Variants in ATAD2 observed in about 807,000 individuals in gnomAD.
ATAD2 encodes the protein ATPase family AAA domain-containing protein 2.
ATAD2 carries 62 observed loss-of-function variants against 168.9 expected under a neutral mutation model. The observed-to-expected ratio is 0.37, with a 90% confidence interval of 0.30 to 0.45. The LOEUF (loss-of-function observed/expected upper bound fraction) is 0.45. Ranked by LOEUF, ATAD2 falls within the 20% of genes least tolerant of loss-of-function variation. The probability of loss-of-function intolerance (pLI) is 1.00; values close to 1 mark genes in which losing one functional copy is unlikely to be tolerated. For synonymous variants in ATAD2, 613 were observed against 571.6 expected, an observed-to-expected ratio of 1.07 and a Z score of -1.03; for missense variants, 1,419 against 1,667.8, an observed-to-expected ratio of 0.85 and a Z score of 2.60.
At chr8:123,344,779 C>T (rs1204603516) in intron 19 of ATAD2, 105 bp downstream of exon 19, 2 of 1,262,298 alleles carry the variant, frequency 1.6e-6, no homozygotes, top group South Asian at 1.3e-5. Flanking sequence ...AAAACTTATC[C>T]TTTTATTCAC....
intron 1 of ATAD2, 136 bp downstream of exon 1, chr8:123,396,051 T>C (rs532349214): frequency 9.6e-7 from 1 of 1,039,728 alleles, no homozygotes; most frequent in East Asian, 2.9e-5. Flanking sequence ...TCCATTTTAC[T>C]CGTCCTCGAC....
chr8:123,395,248 C>T (rs192124415), intron 1 of ATAD2, among the ~76,000 whole-genome samples: 3 of 152,306 alleles, frequency 2.0e-5, no homozygotes, highest in Admixed American at 6.5e-5. Flanking sequence ...CGAGCTTCCC[C>T]GACTTCTTCA....
chr8:123,383,704 C>T (rs1393781062), intron 1 of ATAD2, among the ~76,000 whole-genome samples: 2 of 150,870 alleles, frequency 1.3e-5, no homozygotes, highest in Admixed American at 1.3e-4. Flanking sequence ...ACCCAGGAGG[C>T]GGAGGTTGCG....
At chr8:123,321,296 G>T in intron 27 of ATAD2, 121 bp from the exon 28 acceptor site, 1 of 853,952 alleles carries the variant, frequency 1.2e-6, no homozygotes, top group Non-Finnish European at 1.8e-6. Flanking sequence ...ATATTTGATA[G>T]TGAAAATAAA....
chr8:123,358,151 T>C (rs1385913410), intron 11 of ATAD2, among the ~76,000 whole-genome samples: 4 of 152,246 alleles, frequency 2.6e-5, no homozygotes. Context: ...CAACATTTCC[T>C]GTAAGAAGTA....
chr8:123,319,931 G>A lies in ATAD2; in HGVS notation c.*1203C>T, dbSNP rs1586849560. 1 of 152,080 alleles carries A rather than the reference G, an allele frequency of 6.6e-6. No individual in the cohort carries two copies. The highest frequency in any genetic ancestry group is 1.5e-5 in the Non-Finnish European group (1 of 68,014). The allele number at this position is 152,080 out of a possible 1,614,324, so 9.4% of individuals were successfully genotyped here. ...ATCCTAGTTATAAAAGATGCATCTA[G>A]AAGAATAATTTATAATAAACCAACA... On this transcript the variant is annotated 3_prime_UTR_variant, in exon 28 of 28. Transcript: ENST00000287394.
At chr8:123,343,088 G>C (rs1447300147) in intron 19 of ATAD2, among the ~76,000 whole-genome samples, 1 of 151,516 alleles carries the variant, frequency 6.6e-6, no homozygotes, top group Non-Finnish European at 1.5e-5. Context: ...GGGTTCAAGC[G>C]ATTCTCCCAC....
At chr8:123,400,623 C>T (rs553995425), upstream of ATAD2, 46 of 636,594 alleles carry the variant, frequency 7.2e-5, no homozygotes, top group East Asian at 4.2e-4. This position sits in a 1 kb window ranked among gnomAD's most constrained non-coding sequence, Gnocchi z 4.5. Flanking sequence ...TGCCCGAGGA[C>T]GGGCTCACCA....
chr8:123,379,896 T>A (rs998764641), intron 2 of ATAD2, among the ~76,000 whole-genome samples: 71 of 146,370 alleles, frequency 4.9e-4, no homozygotes, highest in African/African-American at 1.7e-3. Context: ...TATTATTTTT[T>A]TTTTTTTGAG....
At chr8:123,347,995 C>T (rs1828307536) in intron 15 of ATAD2, 188 bp downstream of exon 15, 2 of 639,412 alleles carry the variant, frequency 3.1e-6, no homozygotes, top group Admixed American at 5.5e-5. Flanking sequence ...AAGAAAATGC[C>T]ACAAATAAGA....
intron 1 of ATAD2, 45 bp downstream of exon 1, chr8:123,396,142 C>G: frequency 4.0e-6 from 6 of 1,502,746 alleles, no homozygotes; most frequent in Non-Finnish European, 3.5e-6. Context: ...TGCCGGCAGT[C>G]CCCCCGGGAA....
At chr8:123,401,438 C>T (rs549993762), upstream of ATAD2, 119 of 1,430,534 alleles carry the variant, frequency 8.3e-5, no homozygotes, top group African/African-American at 1.1e-3. Flanking sequence ...TGGTGTATTA[C>T]GTCAAACAGA....
chr8:123,337,895 G>A (rs1827961605), intron 20 of ATAD2, 74 bp from the exon 21 acceptor site: 1 of 1,397,706 alleles, frequency 7.2e-7, no homozygotes, highest in African/African-American at 1.5e-5. Context: ...AATGAAAACA[G>A]AGTCAGGATT....
Position 123,326,034 on chromosome 8 carries a change from G to A in ATAD2, c.3869-8C>T, listed in dbSNP as rs765587560. On this transcript the variant is annotated splice_region_variant and splice_polypyrimidine_tract_variant and intron_variant, in intron 25 of 27. Coordinates refer to ENST00000287394, the MANE Select transcript of ATAD2 (RefSeq NM_014109.4). ...TTCGCAGAACACACATTTCTAGAAT[G>A]AAAAATCAAATGATTATTATTTGGT... The A allele has an allele frequency of 2.5e-6, 4 of 1,611,904 alleles. No individual in the cohort carries two copies. In the South Asian group the frequency reaches 3.3e-5, roughly 13 times the overall value.
intron 22 of ATAD2, 30 bp from the exon 23 acceptor site, chr8:123,334,352 A>C: frequency 6.8e-7 from 1 of 1,473,494 alleles, no homozygotes; most frequent in Non-Finnish European, 9.0e-7. Flanking sequence ...TGTAATTTTT[A>C]ATTTCCCCCT....
chr8:123,372,705 G>A lies in ATAD2; in HGVS notation c.321-19C>T. ...CAACTGCCTATATTTTAAAAAATTAGATTAATTCAAAATAATTGACATAAC... is the reference window on the plus strand; with the variant it reads ...CAACTGCCTATATTTTAAAAAATTAAATTAATTCAAAATAATTGACATAAC... On this transcript the variant is annotated intron_variant, in intron 2 of 27. Coordinates refer to ENST00000287394, the MANE Select transcript of ATAD2 (RefSeq NM_014109.4). The A allele has an allele frequency of 1.3e-6, 2 of 1,543,716 alleles. No homozygotes were observed. Among genetic ancestry groups the A allele is most frequent in the Non-Finnish European group, 1.8e-6 (2 of 1,142,562 alleles).
At position 123,356,407 on chromosome 8, in the gene ATAD2, C is replaced by G; in HGVS notation, c.1628G>C (p.Arg543Thr). 6.2e-7 allele frequency: 1 copy of G among 1,611,414 alleles called. No homozygotes were observed. The highest frequency in any genetic ancestry group is 8.5e-7 in the Non-Finnish European group (1 of 1,178,520). Residue 543 changes from arginine (R) to threonine (T), a missense_variant, in exon 13 of 28, where the codon AGG becomes ACG. Physicochemically the swap from Arg to Thr is moderately conservative, Grantham distance 71. Transcript: ENST00000287394. The stretch of plus-strand genomic sequence containing the variant: ...GTTTTACCTGTGAATCTGATCTTGC[C>G]TGCTTGACCGTACTGGAGCCAGACC... ...IDGLAPVRSSRQDQIHSSIVS... is the reference protein window; with the variant it reads ...IDGLAPVRSSTQDQIHSSIVS...
At chr8:123,354,760 C>T (rs1364197495) in intron 13 of ATAD2, among the ~76,000 whole-genome samples, 5 of 140,224 alleles carry the variant, frequency 3.6e-5, no homozygotes, top group African/African-American at 1.4e-4. Flanking sequence ...ATCGCTGGAA[C>T]CTGGGAGATG....
intron 18 of ATAD2, among the ~76,000 whole-genome samples, chr8:123,345,432 C>T (rs953573294): frequency 1.4e-5 from 2 of 147,158 alleles, no homozygotes; most frequent in Non-Finnish European, 3.0e-5. Context: ...GAGGCCAAGG[C>T]GGGTGGACTG....
Sources: allele counts gnomAD v4.1 joint callset (sites outside exome capture counted in the v4.1 genomes callset), GRCh38; gene constraint gnomAD v4.1.1; non-coding constraint Gnocchi (gnomAD v3.1); transcripts MANE v1.5; gene names NCBI Gene and HGNC (gene_info 2026-07-23, HGNC 2026-07-21).